The following PLA2R1 variants were observed in gnomAD, a reference collection of about 807,000 sequenced individuals.
PLA2R1 encodes phospholipase A2 receptor 1.
A neutral mutation model predicts 195.9 loss-of-function variants in PLA2R1; 158 were observed. The ratio of observed to expected loss-of-function variants is 0.81; its 90% CI spans 0.71 to 0.92. PLA2R1 has a LOEUF of 0.92. Among genes scored for constraint, PLA2R1 ranks in the 40% least tolerant of loss-of-function variants. The probability of loss-of-function intolerance (pLI) is 0.00; values close to 1 mark genes in which losing one functional copy is unlikely to be tolerated. For synonymous variants in PLA2R1, 586 were observed against 598.2 expected (o/e 0.98, Z 0.30); for missense variants, 1,626 against 1,764.6 (o/e 0.92, Z 1.41).
intron 12 of PLA2R1, among the ~76,000 whole-genome samples, chr2:159,984,884 C>G (rs1690216772): frequency 6.6e-6 from 1 of 152,230 alleles, no homozygotes; most frequent in African/African-American, 2.4e-5. Context: ...CCTCACCAGG[C>G]TCTTACTTGC....
At position 159,935,483 on chromosome 2, in the gene PLA2R1, T is replaced by G. The variant is rs1460561084; in HGVS notation, c.*6295A>C. ...ACTCATTCAATTGTTTACATCAGTA[T>G]GGACACACAGATATTTATTGTGTGG... On this transcript the variant is annotated 3_prime_UTR_variant, in exon 30 of 30. Transcript: ENST00000283243. The G allele has an allele frequency of 6.6e-6, 1 of 152,256 alleles. No individual in the cohort carries two copies. The highest frequency in any genetic ancestry group is 1.5e-5 in the Non-Finnish European group (1 of 68,044). The allele number at this position is 152,256 out of a possible 1,614,324, so 9.4% of individuals were successfully genotyped here. A position where few individuals can be genotyped will look rare whatever the true frequency, so the allele number is the denominator to read the frequency against.
Position 160,056,918 on chromosome 2 carries a change from C to A in PLA2R1, c.109+5377G>T, listed in dbSNP as rs143769506. Among the ~76,000 whole-genome samples the A allele has an allele frequency of 6.8e-4, 103 of 152,250 alleles. 1 individual carries two copies. In the Middle Eastern group the frequency reaches 0.01, roughly 15 times the overall value. On this transcript the variant is annotated intron_variant, in intron 1 of 29. Transcript: ENST00000283243. ...CTCTTCCTCATCTCTCTCATGCTTCCAACTATAGACATGTCACTGCTTCTT... is the reference window on the plus strand; with the variant it reads ...CTCTTCCTCATCTCTCTCATGCTTCAAACTATAGACATGTCACTGCTTCTT...
At position 159,937,253 on chromosome 2, in the gene PLA2R1, T is replaced by C. The variant is rs1686876046; in HGVS notation, c.*4525A>G. On this transcript the variant is annotated 3_prime_UTR_variant, in exon 30 of 30. Coordinates refer to ENST00000283243, the MANE Select transcript of PLA2R1 (RefSeq NM_007366.5). ...CCTGTTACTCTTTCACTTACAGGCA[T>C]CTTGCTTTACCTGATATACAAATGA... 1 of 152,246 alleles carries C rather than the reference T, an allele frequency of 6.6e-6. No homozygotes were observed. Among genetic ancestry groups the C allele is most frequent in the Admixed American group, 6.5e-5 (1 of 15,284 alleles). The allele number at this position is 152,246 out of a possible 1,614,324, so 9.4% of individuals were successfully genotyped here.
At position 159,955,728 on chromosome 2, in the gene PLA2R1, A is replaced by C; in HGVS notation, c.3123T>G (p.Tyr1041Ter). ...TTATATCAAATGGAGACCAGTTAGA[A>C]TATACCACAGGCTTTCCATTTAGCC... is the stretch of plus-strand genomic sequence containing the variant. ...ETWLNGKPVV[Y>*]SNWSPFDIIN... The change falls in exon 22 of 30, where the codon TAT (tyrosine) becomes TAG (stop). Residue 1041 changes from tyrosine (Y) to a stop codon, truncating the protein, a stop_gained. Coordinates refer to ENST00000283243, the MANE Select transcript of PLA2R1 (RefSeq NM_007366.5). LOFTEE classifies it high-confidence loss of function. The C allele has an allele frequency of 6.4e-7, 1 of 1,571,934 alleles. No individual in the cohort carries two copies. The highest frequency in any genetic ancestry group is 8.7e-7 in the Non-Finnish European group (1 of 1,148,346).
chr2:160,046,586 T>C (rs1414360748), intron 1 of PLA2R1, among the ~76,000 whole-genome samples: 1 of 152,210 alleles, frequency 6.6e-6, no homozygotes, highest in Admixed American at 6.5e-5. Context: ...TAAGATACTG[T>C]TTCAAAAAGA....
chr2:160,061,592 G>A (rs1695953774), intron 1 of PLA2R1, among the ~76,000 whole-genome samples: 1 of 152,060 alleles, frequency 6.6e-6, no homozygotes, highest in Non-Finnish European at 1.5e-5. Context: ...TGGGCAACAT[G>A]GTGAAACTCC....
intron 11 of PLA2R1, among the ~76,000 whole-genome samples, chr2:159,998,327 T>G (rs1691365165): frequency 6.6e-6 from 1 of 152,198 alleles, no homozygotes; most frequent in Non-Finnish European, 1.5e-5. Context: ...ACAACAATCC[T>G]GTGAGGTAGA....
chr2:159,992,775 C>T (rs149133492), intron 11 of PLA2R1, among the ~76,000 whole-genome samples: 1 of 152,186 alleles, frequency 6.6e-6, no homozygotes, highest in African/African-American at 2.4e-5. Context: ...TACTACAGGG[C>T]ACTTTCAAGA....
At chr2:159,972,637 T>C (rs1246680597) in intron 17 of PLA2R1, among the ~76,000 whole-genome samples, 3 of 152,186 alleles carry the variant, frequency 2.0e-5, no homozygotes, top group Admixed American at 6.5e-5. Flanking sequence ...TTGAGAAGCA[T>C]TTAGAAATAA....
At chr2:159,972,408 T>G (rs922092536) in intron 17 of PLA2R1, among the ~76,000 whole-genome samples, 14 of 152,178 alleles carry the variant, frequency 9.2e-5, no homozygotes, top group Admixed American at 7.9e-4. Context: ...GAACATGCAT[T>G]TTATAACATC....
intron 10 of PLA2R1, among the ~76,000 whole-genome samples, chr2:160,011,313 T>C (rs1692346018): frequency 6.6e-6 from 1 of 152,248 alleles, no homozygotes; most frequent in South Asian, 2.1e-4. Flanking sequence ...ATTGTGCTAT[T>C]CTACCTTCTT....
downstream of PLA2R1, among the ~76,000 whole-genome samples, chr2:159,930,661 C>G (rs1234012029): frequency 6.6e-6 from 1 of 152,082 alleles, no homozygotes; most frequent in Non-Finnish European, 1.5e-5. Context: ...TTGGTGAACA[C>G]GGAAATGAAA....
intron 21 of PLA2R1, among the ~76,000 whole-genome samples, 179 bp downstream of exon 21, chr2:159,956,331 C>T (rs562884077): frequency 6.6e-5 from 10 of 152,174 alleles, no homozygotes; most frequent in Admixed American, 2.6e-4. Context: ...ATGCAGTACA[C>T]TAACTTTTAC....
At chr2:160,035,626 T>C (rs113766437) in intron 3 of PLA2R1, among the ~76,000 whole-genome samples, 31 of 152,292 alleles carry the variant, frequency 2.0e-4, no homozygotes, top group African/African-American at 5.1e-4. Context: ...AGGGAAGCAA[T>C]TGTGTCATAT....
intron 20 of PLA2R1, among the ~76,000 whole-genome samples, chr2:159,966,631 T>C (rs1031200713): frequency 6.6e-6 from 1 of 152,156 alleles, no homozygotes; most frequent in Non-Finnish European, 1.5e-5. Context: ...GTGGCCTCAT[T>C]TCTCAAATTA....
rs367945690 is a variant in PLA2R1 at position 160,022,686 on chromosome 2, G to T, written c.1273C>A (p.Leu425Ile). 4.4e-6 allele frequency: 7 copies of T among 1,598,184 alleles called. No individual in the cohort carries two copies. Among genetic ancestry groups the T allele is most frequent in the Non-Finnish European group, 6.0e-6 (7 of 1,170,938 alleles). Residue 425 changes from leucine to isoleucine, a missense_variant, in exon 7 of 30, where the codon CTT becomes ATT. Leu to Ile is a conservative substitution (Grantham distance 5). Transcript: ENST00000283243. ...TCACCATCTCCAAGGAGGGTTACAA[G>T]AAACTCCACCTCTGCTAATGAGGTT... ...DITSLAEVEF[L>I]VTLLGDENAS...
At chr2:160,058,124 T>A (rs974201735) in intron 1 of PLA2R1, among the ~76,000 whole-genome samples, 1 of 151,862 alleles carries the variant, frequency 6.6e-6, no homozygotes, top group African/African-American at 2.4e-5. Flanking sequence ...AAAAAAAAAC[T>A]ACTTGCACCC....
chr2:160,045,719 A>G (rs923990664), intron 1 of PLA2R1, among the ~76,000 whole-genome samples: 1 of 152,332 alleles, frequency 6.6e-6, no homozygotes, highest in Non-Finnish European at 1.5e-5. Context: ...AATGTTTCTC[A>G]GGAGTACAAG....
Position 159,953,457 on chromosome 2 carries a change from A to G in PLA2R1, c.3301+1742T>C, listed in dbSNP as rs114301801. On this transcript the variant is annotated intron_variant, in intron 23 of 29. Coordinates refer to ENST00000283243, the MANE Select transcript of PLA2R1 (RefSeq NM_007366.5). ...TGTAGTTGAACAATACTTTCTGGAAATAATAGAAAAAACTATATCGTTTGT... is the reference window on the plus strand; with the variant it reads ...TGTAGTTGAACAATACTTTCTGGAAGTAATAGAAAAAACTATATCGTTTGT... 2.8e-3 allele frequency among the ~76,000 whole-genome samples: 422 copies of G among 152,376 alleles called. 1 individual carries two copies. Among genetic ancestry groups the G allele is most frequent in the Non-Finnish European group, 4.3e-3 (291 of 68,030 alleles).
Sources: gnomAD v4.1 joint callset for allele counts (sites outside exome capture counted in the v4.1 genomes callset) on GRCh38, gnomAD v4.1.1 for gene constraint, MANE v1.5 for transcripts, NCBI Gene and HGNC (gene_info 2026-07-23, HGNC 2026-07-21) for gene names.